The following PDGFD variants were observed in gnomAD, a reference collection of about 807,000 sequenced individuals.
PDGFD encodes the protein platelet derived growth factor D.
In PDGFD, 30 loss-of-function variants were observed where a neutral mutation model predicts 44.7. That is an observed-to-expected ratio of 0.67 (90% CI 0.50 to 0.91). PDGFD has a LOEUF of 0.91. Ranked by LOEUF, PDGFD falls within the 40% of genes least tolerant of loss-of-function variation. The pLI is 0.00. For missense variants in PDGFD, 445 were observed against 457.8 expected (o/e 0.97, Z 0.25); for synonymous variants, 173 against 168.4 (o/e 1.03, Z -0.21).
At chr11:104,113,163 A>G (rs1048770687) in intron 1 of PDGFD, among the ~76,000 whole-genome samples, 13 of 152,180 alleles carry the variant, frequency 8.5e-5, no homozygotes. Flanking sequence ...TATACCAAAG[A>G]TTACATAACT....
chr11:103,932,968 T>C (rs1215089171), intron 5 of PDGFD, among the ~76,000 whole-genome samples: 1 of 152,170 alleles, frequency 6.6e-6, no homozygotes, highest in Non-Finnish European at 1.5e-5. Flanking sequence ...CTGCCAAGGA[T>C]GAACCAAGAT....
At position 104,020,037 on chromosome 11, in the gene PDGFD, A is replaced by G. The variant is rs75894669; in HGVS notation, c.125-19782T>C. 0.022 allele frequency among the ~76,000 whole-genome samples: 3,353 copies of G among 152,262 alleles called. 216 individuals carry two copies. In the East Asian group the frequency reaches 0.28, roughly 13 times the overall value. ...AAATGTCATTAAGCTAAACAGATGC[A>G]CAGAAAAAATAACACCAATGAGTAA... On this transcript the variant is annotated intron_variant, in intron 1 of 6. Transcript: ENST00000393158.
At chr11:104,142,705 T>C (rs1376344165) in intron 1 of PDGFD, among the ~76,000 whole-genome samples, 2 of 152,136 alleles carry the variant, frequency 1.3e-5, no homozygotes, top group African/African-American at 2.4e-5. Context: ...AATTTCTTTG[T>C]GATTAGAACA....
intron 1 of PDGFD, among the ~76,000 whole-genome samples, chr11:104,139,089 G>T (rs1452004773): frequency 1.3e-5 from 2 of 152,064 alleles, no homozygotes; most frequent in Non-Finnish European, 2.9e-5. Flanking sequence ...TACGGTTTAT[G>T]GTGCTTTGAA....
intron 1 of PDGFD, among the ~76,000 whole-genome samples, chr11:104,069,519 G>A (rs1941163355): frequency 6.6e-6 from 1 of 152,082 alleles, no homozygotes. Context: ...ATTTCTTTTA[G>A]CATTCATGAA....
At chr11:104,090,026 A>T (rs919611784) in intron 1 of PDGFD, among the ~76,000 whole-genome samples, 2 of 152,184 alleles carry the variant, frequency 1.3e-5, no homozygotes, top group Admixed American at 1.3e-4. Flanking sequence ...ATTAGGAGCT[A>T]TTGTCCCTAT....
chr11:103,948,444 T>C (rs1389704587), intron 3 of PDGFD, among the ~76,000 whole-genome samples: 1 of 152,188 alleles, frequency 6.6e-6, no homozygotes, highest in Non-Finnish European at 1.5e-5. Flanking sequence ...AAACTTCTCT[T>C]AAAAGGCAAA....
At chr11:104,024,550 CACAAT>C (rs1313878868) in intron 1 of PDGFD, among the ~76,000 whole-genome samples, 1 of 152,086 alleles carries the variant, frequency 6.6e-6, no homozygotes, top group Non-Finnish European at 1.5e-5. Context: ...GGTTTAGATA[CACAAT>C]ACAATTGTGT....
chr11:104,134,202 A>G (rs74678364), intron 1 of PDGFD, among the ~76,000 whole-genome samples: 20,850 of 152,096 alleles, frequency 0.14, 1,598 homozygotes, highest in East Asian at 0.29. Context: ...ATGTATACTC[A>G]CACAAGTGCA....
intron 1 of PDGFD, among the ~76,000 whole-genome samples, chr11:104,118,252 C>A (rs559372509): frequency 1.3e-5 from 2 of 151,608 alleles, no homozygotes; most frequent in East Asian, 3.9e-4. Flanking sequence ...GAGAGTGGAG[C>A]CCTCATGAAT....
At chr11:103,940,038 C>A (rs986828276) in intron 5 of PDGFD, among the ~76,000 whole-genome samples, 1 of 151,964 alleles carries the variant, frequency 6.6e-6, no homozygotes, top group Non-Finnish European at 1.5e-5. Context: ...GGTTTCAATA[C>A]TTGGTAATTT....
rs144705943 is a variant in PDGFD at position 104,029,987 on chromosome 11, A to C, written c.125-29732T>G. 3.1e-3 allele frequency among the ~76,000 whole-genome samples: 470 copies of C among 152,338 alleles called. 1 individual carries two copies. Among genetic ancestry groups the C allele is most frequent in the African/African-American group, 0.01 (434 of 41,574 alleles). On this transcript the variant is annotated intron_variant, in intron 1 of 6. Transcript: ENST00000393158. ...ACGTTTTGAGCTCCAACATGATGAC[A>C]CAAGTGGAAAATTCCACACCTGACC...
At chr11:103,956,423 G>C (rs909067325) in intron 3 of PDGFD, among the ~76,000 whole-genome samples, 5 of 129,988 alleles carry the variant, frequency 3.8e-5, no homozygotes, top group African/African-American at 1.3e-4. Flanking sequence ...AGTATTCCAT[G>C]GTGTATATGT....
intron 3 of PDGFD, among the ~76,000 whole-genome samples, chr11:103,966,052 T>C (rs555627634): frequency 1.2e-4 from 18 of 152,244 alleles, no homozygotes; most frequent in Non-Finnish European, 2.2e-4. Flanking sequence ...CCTTATGTTG[T>C]GGGGAGAGAA....
chr11:104,100,575 G>A (rs1050520556), intron 1 of PDGFD, among the ~76,000 whole-genome samples: 2 of 152,056 alleles, frequency 1.3e-5, no homozygotes, highest in East Asian at 1.9e-4. Context: ...AAGAAAAAGA[G>A]GGAATCCTCC....
chr11:103,945,928 G>A (rs894134330), intron 4 of PDGFD: 42 of 152,162 alleles, frequency 2.8e-4, no homozygotes, highest in African/African-American at 7.0e-4. Flanking sequence ...AAACAACAAC[G>A]ACAGCTGAGG....
chr11:104,003,339 A>G (rs1318391004), intron 1 of PDGFD, among the ~76,000 whole-genome samples: 2 of 152,236 alleles, frequency 1.3e-5, no homozygotes, highest in Non-Finnish European at 2.9e-5. Context: ...AAATATCTCC[A>G]CTTGATATGG....
chr11:104,124,713 CCCTACTGTTT>C (rs1160620129), intron 1 of PDGFD, among the ~76,000 whole-genome samples: 2 of 151,960 alleles, frequency 1.3e-5, no homozygotes, highest in Non-Finnish European at 2.9e-5. Context: ...CTAGTCTAAA[CCCTACTGTTT>C]CCTAAAGGCA....
At chr11:103,937,764 T>C (rs1858515629) in intron 5 of PDGFD, among the ~76,000 whole-genome samples, 1 of 142,424 alleles carries the variant, frequency 7.0e-6, no homozygotes, top group African/African-American at 2.6e-5. Flanking sequence ...CCATGTGTTC[T>C]CATTGTTCAA....
Sources: allele counts gnomAD v4.1 joint callset (sites outside exome capture counted in the v4.1 genomes callset), GRCh38; gene constraint gnomAD v4.1.1; transcripts MANE v1.5; gene names NCBI Gene and HGNC (gene_info 2026-07-23, HGNC 2026-07-21).